FBXO39: variants seen among roughly 807,000 people sequenced by gnomAD.
The protein encoded by FBXO39 is F-box only protein 39.
FBXO39 carries 22 observed loss-of-function variants against 36.6 expected under a neutral mutation model. That is an observed-to-expected ratio of 0.60 (90% CI 0.43 to 0.86). The LOEUF (loss-of-function observed/expected upper bound fraction) is 0.86, where lower values mean the gene tolerates loss of function less well. Among genes scored for constraint, FBXO39 ranks in the 40% least tolerant of loss-of-function variants. The pLI is 0.00. For synonymous variants in FBXO39, 206 were observed against 205.8 expected, an observed-to-expected ratio of 1.00 and a Z score of -0.01; for missense variants, 536 against 543.9, an observed-to-expected ratio of 0.99 and a Z score of 0.14.
intron 2 of FBXO39, among the ~76,000 whole-genome samples, 200 bp downstream of exon 2, chr17:6,781,091 A>T (rs911268435): frequency 6.6e-6 from 1 of 152,234 alleles, no homozygotes; most frequent in South Asian, 2.1e-4. Flanking sequence ...CACTTCCTAC[A>T]TGTGGTACAG....
intron 2 of FBXO39, 30 bp downstream of exon 2, chr17:6,780,921 G>A (rs1976502701): frequency 1.9e-6 from 3 of 1,581,988 alleles, no homozygotes; most frequent in Non-Finnish European, 1.7e-6. Flanking sequence ...AGTGACTGCT[G>A]TTCAGGTGAC....
In FBXO39 at chr17:6,779,874, C is replaced by A. The variant is rs61753286; in HGVS notation, c.6C>A (p.Asp2Glu). The A allele has an allele frequency of 5.6e-4, 906 of 1,613,876 alleles. 2 individuals are homozygous for A. In the Middle Eastern group the frequency reaches 6.4e-3, roughly 11 times the overall value. The change falls in exon 2 of 4, where the codon GAC becomes GAA. Residue 2 changes from aspartate (D) to glutamate (E), a missense_variant. Transcript: ENST00000321535. M[D>E]EESELIQPQD... Reference sequence around the variant, plus strand: ...CTGTACATCCCAGTTCCTGGATGGACGAAGAAAGTGAACTGATCCAGCCCC... The same window carrying A: ...CTGTACATCCCAGTTCCTGGATGGAAGAAGAAAGTGAACTGATCCAGCCCC...
At chr17:6,779,378 G>A (rs1976474457) in intron 1 of FBXO39, among the ~76,000 whole-genome samples, 3 of 152,104 alleles carry the variant, frequency 2.0e-5, no homozygotes, top group Admixed American at 6.5e-5. Context: ...TGTTCCCTCT[G>A]CCCAGAATGC....
intron 2 of FBXO39, among the ~76,000 whole-genome samples, chr17:6,781,914 A>C (rs1463214286): frequency 6.6e-6 from 1 of 152,210 alleles, no homozygotes; most frequent in Non-Finnish European, 1.5e-5. Flanking sequence ...CTGAAGGTAC[A>C]AGACGTATAC....
At position 6,787,548 on chromosome 17, in the gene FBXO39, T is replaced by TC; in HGVS notation, c.*120_*121insC. ...CTCTCTCTCCCCTCCACTTTTTTTT[T>TC]TTGTCAGCTCCATGACAACATGACC... On this transcript the variant is annotated 3_prime_UTR_variant, in exon 4 of 4. Coordinates refer to ENST00000321535, the MANE Select transcript of FBXO39 (RefSeq NM_153230.3). The TC allele has an allele frequency of 1.8e-6, 2 of 1,108,646 alleles. No homozygotes were observed. The highest frequency in any genetic ancestry group is 2.5e-6 in the Non-Finnish European group (2 of 786,732). The allele number at this position is 1,108,646 out of a possible 1,614,324, so 68.7% of individuals were successfully genotyped here. A position where few individuals can be genotyped will look rare whatever the true frequency, so the allele number is the denominator to read the frequency against.
chr17:6,782,471 G>A (rs536260716), intron 2 of FBXO39, among the ~76,000 whole-genome samples: 53 of 152,140 alleles, frequency 3.5e-4, no homozygotes, highest in African/African-American at 1.3e-3. Context: ...CCAATCAAAA[G>A]ACATAGGTGG....
At position 6,787,407 on chromosome 17, in the gene FBXO39, C is replaced by G. The variant is rs1252711059; in HGVS notation, c.1308C>G (p.Val436=). 1.2e-6 allele frequency: 2 copies of G among 1,613,996 alleles called. No individual in the cohort carries two copies. The highest frequency in any genetic ancestry group is 2.2e-5 in the East Asian group (1 of 44,884). ...KLIESELSYF[V]IVYSVM is the part of the protein sequence containing the mutation. ...TCGAATCAGAGCTTAGCTATTTTGT[C>G]ATCGTTTACTCTGTGATGTAATGAG... The change falls in exon 4 of 4, where the codon GTC becomes GTG. Residue 436 remains valine, a synonymous_variant. Coordinates refer to ENST00000321535, the MANE Select transcript of FBXO39 (RefSeq NM_153230.3).
At chr17:6,780,915 A>G in intron 2 of FBXO39, 24 bp downstream of exon 2, 2 of 1,591,284 alleles carry the variant, frequency 1.3e-6, no homozygotes, top group Non-Finnish European at 1.7e-6. Flanking sequence ...GTGAGGAGTG[A>G]CTGCTGTTCA....
At position 6,780,226 on chromosome 17, in the gene FBXO39, A is replaced by T; in HGVS notation, c.358A>T (p.Ser120Cys). The change falls in exon 2 of 4, where the codon AGT becomes TGT. Residue 120 changes from serine to cysteine, a missense_variant. Coordinates refer to ENST00000321535, the MANE Select transcript of FBXO39 (RefSeq NM_153230.3). Reference sequence around the variant, plus strand: ...CATGCGGGGCCTCCTGTCTTGTCTGAGTAAGAGCAACAACCGTCTGAAATC... The same window carrying T: ...CATGCGGGGCCTCCTGTCTTGTCTGTGTAAGAGCAACAACCGTCTGAAATC... Reference protein sequence around the residue: ...VTMRGLLSCLSKSNNRLKSLS... With the variant: ...VTMRGLLSCLCKSNNRLKSLS... The T allele has an allele frequency of 6.2e-7, 1 of 1,614,202 alleles. No individual in the cohort carries two copies. The highest frequency in any genetic ancestry group is 8.5e-7 in the Non-Finnish European group (1 of 1,180,026).
Position 6,786,812 on chromosome 17 carries a change from G to T in FBXO39, c.1056G>T (p.Glu352Asp). The T allele has an allele frequency of 6.2e-7, 1 of 1,612,214 alleles. No individual in the cohort carries two copies. Among genetic ancestry groups the T allele is most frequent in the Non-Finnish European group, 8.5e-7 (1 of 1,179,246 alleles). ...CTTGTGAATTCAACAACAACCATGA[G>T]TCACTCGACGAGGAGCTGCACCTCC... ...KLTCEFNNNH[E>D]SLDEELHLLI... Residue 352 changes from glutamate (E) to aspartate (D), a missense_variant, in exon 3 of 4, where the codon GAG becomes GAT. Coordinates refer to ENST00000321535, the MANE Select transcript of FBXO39 (RefSeq NM_153230.3).
Position 6,787,223 on chromosome 17 carries a change from C to CGTGTGTGT in FBXO39, c.1201-70_1201-63dup, listed in dbSNP as rs754209458. 4,760 of 1,395,926 alleles carry CGTGTGTGT rather than the reference C, an allele frequency of 3.4e-3. 40 individuals are homozygous for CGTGTGTGT. In the African/African-American group the frequency reaches 0.035, roughly 10 times the overall value. 86.5% of individuals were successfully genotyped at this position (1,395,926 alleles called of 1,614,324 possible). Reference sequence around the variant, plus strand: ...GTCAAGCCCTGAAAAGTGTAGTCACCGTGTGTGTGTGTGTATGTGTGTGTG... The same window carrying CGTGTGTGT: ...GTCAAGCCCTGAAAAGTGTAGTCACCGTGTGTGTGTGTGTGTGTGTGTATGTGTGTGTG... On this transcript the variant is annotated intron_variant, in intron 3 of 3. Coordinates refer to ENST00000321535, the MANE Select transcript of FBXO39 (RefSeq NM_153230.3).
chr17:6,787,224 G>A (rs1017060728), intron 3 of FBXO39, 76 bp from the exon 4 acceptor site: 23 of 1,277,658 alleles, frequency 1.8e-5, no homozygotes, highest in Admixed American at 6.8e-5. Context: ...TGTAGTCACC[G>A]TGTGTGTGTG....
rs1162774833 is a variant in FBXO39, at chr17:6,784,927, ATATG to A, written c.1024-1851_1024-1848del. 7.7e-4 allele frequency among the ~76,000 whole-genome samples: 79 copies of A among 102,894 alleles called. 1 individual carries two copies. Among genetic ancestry groups the A allele is most frequent in the African/African-American group, 1.8e-3 (39 of 21,518 alleles). The allele number at this position is 102,894 out of a possible 152,430, so 67.5% of individuals were successfully genotyped here. ...CAAAGAATCTTAAATTTATATATAT[ATATG>A]TGTGTGTGTGTGTGTGTGTGTGTAT... is the stretch of plus-strand genomic sequence containing the variant. On this transcript the variant is annotated intron_variant, in intron 2 of 3. Transcript: ENST00000321535.
Position 6,786,946 on chromosome 17 carries a change from G to A in FBXO39, c.1190G>A (p.Arg397His), listed in dbSNP as rs768752968. 1.2e-5 allele frequency: 20 copies of A among 1,612,448 alleles called. No individual in the cohort carries two copies. The highest frequency in any genetic ancestry group is 8.9e-5 in the East Asian group (4 of 44,894). The change falls in exon 3 of 4, where the codon CGT becomes CAT. Residue 397 changes from arginine to histidine, a missense_variant. By Grantham distance (29) the Arg-to-His change is conservative (BLOSUM62 0). Transcript: ENST00000321535. ...KSQKERQCAL[R>H]VFKARIYTNR... ...CAGAAAGAACGGCAGTGTGCCCTGC[G>A]TGTATTCAAGGTAAGAGGTCCCCAG...
chr17:6,784,953 G>GTGTGTGTATATATATATATATATA (rs1302291142), intron 2 of FBXO39, among the ~76,000 whole-genome samples: 15 of 113,862 alleles, frequency 1.3e-4, no homozygotes, highest in African/African-American at 5.5e-4. Context: ...GTGTGTGTGT[G>GTGTGTGTATATATATATATATATA]TATATATATA....
chr17:6,785,587 T>C (rs9908155), intron 2 of FBXO39, among the ~76,000 whole-genome samples: 9,635 of 151,894 alleles, frequency 0.063, 968 homozygotes, highest in African/African-American at 0.21. Flanking sequence ...AAAATATCTG[T>C]AAGCTACCCA....
At chr17:6,784,530 A>AACAAAG (rs1976542932) in intron 2 of FBXO39, among the ~76,000 whole-genome samples, 1 of 148,394 alleles carries the variant, frequency 6.7e-6, no homozygotes, top group Admixed American at 6.6e-5. Context: ...CAAAAACAAA[A>AACAAAG]ACAAAAAAAA....
intron 1 of FBXO39, among the ~76,000 whole-genome samples, chr17:6,776,943 C>T (rs1238629741): frequency 6.6e-6 from 1 of 151,834 alleles, no homozygotes. Context: ...GGGGAGGCTC[C>T]CAGTCATTAA....
intron 2 of FBXO39, among the ~76,000 whole-genome samples, chr17:6,783,405 T>G (rs1976531923): frequency 7.3e-6 from 1 of 136,470 alleles, no homozygotes; most frequent in African/African-American, 2.6e-5. Context: ...AGAGAAGAAA[T>G]AATAAAGATT....
Sources: allele counts gnomAD v4.1 joint callset (sites outside exome capture counted in the v4.1 genomes callset), GRCh38; gene constraint gnomAD v4.1.1; transcripts MANE v1.5; gene names NCBI Gene and HGNC (gene_info 2026-07-23, HGNC 2026-07-21).